The following AMDHD1 variants were observed in gnomAD, a reference collection of about 807,000 sequenced individuals.
AMDHD1 encodes probable imidazolonepropionase.
A neutral mutation model predicts 44.1 loss-of-function variants in AMDHD1; 45 were observed. The observed-to-expected ratio is 1.02, with a 90% CI of 0.80 to 1.31. AMDHD1 has a LOEUF of 1.31. Ranked by LOEUF, AMDHD1 falls within the 50% of genes most tolerant of loss-of-function variation. The pLI, the probability that AMDHD1 is intolerant of heterozygous loss-of-function variation, is 0.00. For missense variants in AMDHD1, 586 were observed against 552.1 expected (o/e 1.06, Z -0.61); for synonymous variants, 206 against 205.0 (o/e 1.00, Z -0.04).
chr12:95,962,265 A>G, intron 5 of AMDHD1, 90 bp from the exon 6 acceptor site: 1 of 1,451,748 alleles, frequency 6.9e-7, no homozygotes, highest in Non-Finnish European at 9.0e-7. Flanking sequence ...CTCCGTCTCA[A>G]AAATAAAACA....
rs1320333214 is a variant in AMDHD1, at chr12:95,956,782, G to T, written c.407G>T (p.Arg136Leu). 1.2e-6 allele frequency: 2 copies of T among 1,614,194 alleles called. No individual in the cohort carries two copies. Among genetic ancestry groups the T allele is most frequent in the South Asian group, 1.1e-5 (1 of 91,086 alleles). Residue 136 changes from arginine (R) to leucine (L), a missense_variant, in exon 4 of 9, where the codon CGC becomes CTC. Arg to Leu is a moderately radical substitution (Grantham distance 102). Coordinates refer to ENST00000266736, the MANE Select transcript of AMDHD1 (RefSeq NM_152435.3). Reference protein sequence around the residue: ...TRQATEEELFRSLQQRLQCMM... With the variant: ...TRQATEEELFLSLQQRLQCMM... ...CAAGCCACAGAGGAGGAGCTGTTCC[G>T]CTCCTTGCAGCAACGGCTCCAGTGC...
chr12:95,943,865 C>T (rs182453224), intron 1 of AMDHD1, among the ~76,000 whole-genome samples: 48 of 152,252 alleles, frequency 3.2e-4, no homozygotes, highest in African/African-American at 1.1e-3. Context: ...GTCAGGGTGG[C>T]CTGTGGTTAT....
At chr12:95,962,970 TATAAAA>T (rs2080590285) in intron 6 of AMDHD1, among the ~76,000 whole-genome samples, 1 of 152,208 alleles carries the variant, frequency 6.6e-6, no homozygotes, top group Non-Finnish European at 1.5e-5. Context: ...ACATATATTT[TATAAAA>T]TCTCCCCAGA....
chr12:95,966,386 G>T lies in AMDHD1; in HGVS notation c.1071G>T (p.Met357Ile), dbSNP rs2080610612. 4 of 1,614,224 alleles carry T rather than the reference G, an allele frequency of 2.5e-6. No individual in the cohort carries two copies. Among genetic ancestry groups the T allele is most frequent in the Non-Finnish European group, 3.4e-6 (4 of 1,180,042 alleles). Residue 357 changes from methionine (M) to isoleucine (I), a missense_variant, in exon 8 of 9, where the codon ATG becomes ATT. Transcript: ENST00000266736. ...ATCTGGCCTGTGTAAACATGAGAAT[G>T]TCCATGCCTGAGGCCTTGGCCGCTG... The part of the protein sequence containing the change: ...VMHLACVNMR[M>I]SMPEALAAAT...
In AMDHD1 at chr12:95,943,434, G is replaced by T. The variant is rs1465628999; in HGVS notation, c.36G>T (p.Ala12=). ...GCCACAGCCTCCTGCTGGAGAACGC[G>T]CAGCAAGTGGTGCTGGTGTGCGCCC... ...ASGHSLLLEN[A]QQVVLVCARG... is the part of the protein sequence containing the mutation. The change falls in exon 1 of 9, where the codon GCG becomes GCT. Residue 12 remains alanine (A), a synonymous_variant. Coordinates refer to ENST00000266736, the MANE Select transcript of AMDHD1 (RefSeq NM_152435.3). 2.3e-5 allele frequency: 35 copies of T among 1,506,314 alleles called. No homozygotes were observed. The highest frequency in any genetic ancestry group is 2.7e-5 in the Non-Finnish European group (31 of 1,134,230). 93.3% of individuals were successfully genotyped at this position (1,506,314 alleles called of 1,614,324 possible).
chr12:95,961,144 C>CAAAACAAA (rs1555235466), intron 5 of AMDHD1, among the ~76,000 whole-genome samples: 2 of 129,664 alleles, frequency 1.5e-5, no homozygotes, highest in African/African-American at 6.1e-5. Context: ...GACTCCATCT[C>CAAAACAAA]AAAAAAAAAA....
At chr12:95,966,997 G>A (rs530924172) in intron 8 of AMDHD1, among the ~76,000 whole-genome samples, 1 of 152,268 alleles carries the variant, frequency 6.6e-6, no homozygotes, top group Admixed American at 6.5e-5. Flanking sequence ...ATATTAGTCT[G>A]TTATCACACT....
chr12:95,965,615 C>A (rs1565979796), intron 6 of AMDHD1, 71 bp from the exon 7 acceptor site: 2 of 1,012,110 alleles, frequency 2.0e-6, no homozygotes, highest in African/African-American at 3.2e-5. Flanking sequence ...CTCAAGTTCT[C>A]TTCTGTTCTG....
intron 1 of AMDHD1, among the ~76,000 whole-genome samples, chr12:95,945,121 G>GA (rs1565975545): frequency 1.3e-5 from 2 of 152,162 alleles, no homozygotes; most frequent in Non-Finnish European, 2.9e-5. Context: ...GTGACAGAGC[G>GA]AGACTCTGTC....
At chr12:95,965,034 C>T (rs1365756279) in intron 6 of AMDHD1, among the ~76,000 whole-genome samples, 7 of 150,372 alleles carry the variant, frequency 4.7e-5, no homozygotes, top group African/African-American at 1.5e-4. Flanking sequence ...CACAGTGGCT[C>T]ATGCCTGTAA....
intron 1 of AMDHD1, among the ~76,000 whole-genome samples, chr12:95,946,537 G>A (rs920103085): frequency 6.7e-6 from 1 of 149,632 alleles, no homozygotes; most frequent in African/African-American, 2.4e-5. Context: ...AAGCACAAAG[G>A]TAGAGAGATG....
chr12:95,952,318 C>A (rs2080528861), intron 1 of AMDHD1, among the ~76,000 whole-genome samples: 1 of 152,124 alleles, frequency 6.6e-6, no homozygotes, highest in South Asian at 2.1e-4. Flanking sequence ...CTGTCTTTTC[C>A]CCAATGTACG....
chr12:95,950,503 G>T (rs979415402), intron 1 of AMDHD1, among the ~76,000 whole-genome samples: 1 of 152,168 alleles, frequency 6.6e-6, no homozygotes, highest in African/African-American at 2.4e-5. Flanking sequence ...CGAATTTGTT[G>T]TAAGTGACCA....
At chr12:95,948,198 A>G (rs1227557453) in intron 1 of AMDHD1, among the ~76,000 whole-genome samples, 248 of 62,528 alleles carry the variant, frequency 4.0e-3, no homozygotes, top group Admixed American at 4.3e-3. Context: ...CAGCCGCCCC[A>G]TCCGGGAGGG....
At chr12:95,960,745 A>G (rs2080577443) in intron 5 of AMDHD1, 122 bp downstream of exon 5, 19 of 1,038,670 alleles carry the variant, frequency 1.8e-5, no homozygotes, top group Admixed American at 7.7e-5. Flanking sequence ...ATTTGTTTGA[A>G]CAATGTACAG....
chr12:95,962,473 T>G lies in AMDHD1; in HGVS notation c.932T>G (p.Met311Arg), dbSNP rs369810570. 6.3e-7 allele frequency: 1 copy of G among 1,599,856 alleles called. No homozygotes were observed. Among genetic ancestry groups the G allele is most frequent in the Non-Finnish European group, 8.5e-7 (1 of 1,176,036 alleles). Residue 311 changes from methionine (M) to arginine (R), a missense_variant, in exon 6 of 9, where the codon ATG becomes AGG. Coordinates refer to ENST00000266736, the MANE Select transcript of AMDHD1 (RefSeq NM_152435.3). ...ATCCTTCTGCCCACCACAGCCTACA[T>G]GCTGAGGTAAGGTCGTTTCTCACCC... is the stretch of plus-strand genomic sequence containing the variant. Reference protein sequence around the residue: ...SAILLPTTAYMLRLKQPRARK... With the variant: ...SAILLPTTAYRLRLKQPRARK...
chr12:95,948,391 G>C (rs1200633160), intron 1 of AMDHD1, among the ~76,000 whole-genome samples: 1 of 61,278 alleles, frequency 1.6e-5, no homozygotes, highest in African/African-American at 8.5e-5. Flanking sequence ...CCCGGCCAGT[G>C]GCCCCGTCCG....
chr12:95,961,662 T>G (rs1237649663), intron 5 of AMDHD1, among the ~76,000 whole-genome samples: 1 of 152,250 alleles, frequency 6.6e-6, no homozygotes, highest in East Asian at 1.9e-4. Flanking sequence ...GTCGCTTAAG[T>G]CAAAATCTTG....
chr12:95,960,523 T>C lies in AMDHD1; in HGVS notation c.713T>C (p.Phe238Ser). ...NIDVFCEKGV[F>S]DLDSTRRILQ... ...GACGTATTTTGTGAGAAAGGTGTCTTTGATCTCGATTCCACCAGAAGGATT... is the reference window on the plus strand; with the variant it reads ...GACGTATTTTGTGAGAAAGGTGTCTCTGATCTCGATTCCACCAGAAGGATT... Residue 238 changes from phenylalanine (F) to serine (S), a missense_variant, in exon 5 of 9, where the codon TTT (phenylalanine) becomes TCT (serine). Phe to Ser is a radical substitution (Grantham distance 155). Transcript: ENST00000266736. 1 of 1,614,170 alleles carries C rather than the reference T, an allele frequency of 6.2e-7. No individual in the cohort carries two copies. Among genetic ancestry groups the C allele is most frequent in the African/African-American group, 1.3e-5 (1 of 75,042 alleles).
Sources: gnomAD v4.1 joint callset for allele counts (sites outside exome capture counted in the v4.1 genomes callset) on GRCh38, gnomAD v4.1.1 for gene constraint, MANE v1.5 for transcripts, NCBI Gene and HGNC (gene_info 2026-07-23, HGNC 2026-07-21) for gene names.